IGF1: variants seen among roughly 807,000 people sequenced by gnomAD.
The protein encoded by IGF1 is insulin-like growth factor 1.
In IGF1, 4 loss-of-function variants were observed where a neutral mutation model predicts 13.8. The observed-to-expected ratio is 0.29, with a 90% CI of 0.14 to 0.66. IGF1 has a LOEUF of 0.66. Among genes scored for constraint, IGF1 ranks in the 30% least tolerant of loss-of-function variants. The pLI is 0.78. For synonymous variants in IGF1, 76 were observed against 72.6 expected (o/e 1.05, Z -0.23); for missense variants, 124 against 188.5 (o/e 0.66, Z 2.00).
chr12:102,476,772 C>G (rs1881077382), intron 1 of IGF1, among the ~76,000 whole-genome samples: 1 of 152,188 alleles, frequency 6.6e-6, no homozygotes, highest in African/African-American at 2.4e-5. Context: ...GTTGGCATGA[C>G]TTAGTCAATG....
intron 3 of IGF1, among the ~76,000 whole-genome samples, chr12:102,416,001 C>T (rs1024256267): frequency 5.3e-5 from 8 of 152,254 alleles, no homozygotes; most frequent in South Asian, 2.1e-4. Flanking sequence ...GCTTTCAGTT[C>T]GACCTTTTCC....
chr12:102,441,438 C>T (rs1449069317), intron 2 of IGF1, among the ~76,000 whole-genome samples: 1 of 152,200 alleles, frequency 6.6e-6, no homozygotes, highest in Non-Finnish European at 1.5e-5. Flanking sequence ...GACTCTCCTG[C>T]TTCCAGCGTT....
chr12:102,438,955 G>A (rs2137082761), intron 2 of IGF1, among the ~76,000 whole-genome samples: 1 of 152,226 alleles, frequency 6.6e-6, no homozygotes, highest in South Asian at 2.1e-4. Flanking sequence ...TTGTTTATTT[G>A]TTGCTTGACT....
intron 2 of IGF1, among the ~76,000 whole-genome samples, chr12:102,455,772 A>T (rs1879335164): frequency 6.6e-6 from 1 of 152,182 alleles, no homozygotes. Flanking sequence ...GGCACCCTGC[A>T]ATCTCTCCTC....
chr12:102,413,177 CT>C (rs762880286), intron 3 of IGF1, among the ~76,000 whole-genome samples: 15 of 152,212 alleles, frequency 9.9e-5, no homozygotes, highest in Non-Finnish European at 2.2e-4. Flanking sequence ...GATTTGGATT[CT>C]GCTTCATCTA....
intron 3 of IGF1, among the ~76,000 whole-genome samples, chr12:102,412,584 C>A (rs1244807368): frequency 6.6e-6 from 1 of 152,120 alleles, no homozygotes; most frequent in African/African-American, 2.4e-5. Context: ...AAGTTAGCTT[C>A]TTGACCAATG....
chr12:102,463,791 A>G (rs994960907), intron 2 of IGF1, among the ~76,000 whole-genome samples: 12 of 152,212 alleles, frequency 7.9e-5, no homozygotes, highest in African/African-American at 2.9e-4. Context: ...CCAGCTGTGC[A>G]AAGAGCTCTG....
At chr12:102,449,837 C>T (rs572440592) in intron 2 of IGF1, among the ~76,000 whole-genome samples, 25 of 152,100 alleles carry the variant, frequency 1.6e-4, no homozygotes, top group East Asian at 9.7e-4. Flanking sequence ...CCCTCTGGAT[C>T]ACCTGGGCTT....
intron 2 of IGF1, among the ~76,000 whole-genome samples, chr12:102,439,422 A>G (rs913207521): frequency 2.0e-5 from 3 of 152,234 alleles, no homozygotes; most frequent in Admixed American, 6.5e-5. Flanking sequence ...TTAACAATTT[A>G]GAAACGAGAA....
rs1400378746 is a variant in IGF1, at chr12:102,397,919, A to G, written c.*4588T>C. The G allele has an allele frequency of 6.6e-6, 1 of 152,290 alleles. No homozygotes were observed. 9.4% of individuals were successfully genotyped at this position (152,290 alleles called of 1,614,324 possible). A position where few individuals can be genotyped will look rare whatever the true frequency, so the allele number is the denominator to read the frequency against. Reference sequence around the variant, plus strand: ...AAGATTAAAAATAGCAAAACATTTTAAATAGTCTGATTATAGCTTCAACAA... The same window carrying G: ...AAGATTAAAAATAGCAAAACATTTTGAATAGTCTGATTATAGCTTCAACAA... On this transcript the variant is annotated 3_prime_UTR_variant, in exon 4 of 4. Transcript: ENST00000337514.
At chr12:102,454,764 C>T (rs1276268433) in intron 2 of IGF1, among the ~76,000 whole-genome samples, 2 of 152,168 alleles carry the variant, frequency 1.3e-5, no homozygotes, top group Non-Finnish European at 2.9e-5. Flanking sequence ...CAGATCCAGG[C>T]TGTTGGATAG....
At chr12:102,443,646 C>T (rs1011010975) in intron 2 of IGF1, among the ~76,000 whole-genome samples, 1 of 152,022 alleles carries the variant, frequency 6.6e-6, no homozygotes, top group Non-Finnish European at 1.5e-5. Context: ...AACAACAGAT[C>T]ACTGGCTGGC....
intron 2 of IGF1, among the ~76,000 whole-genome samples, chr12:102,453,648 C>G (rs1056016739): frequency 6.6e-6 from 1 of 152,134 alleles, no homozygotes; most frequent in African/African-American, 2.4e-5. Flanking sequence ...AGAGGCATTG[C>G]TAGGAAAGAG....
chr12:102,445,032 A>C (rs2137113515), intron 2 of IGF1, among the ~76,000 whole-genome samples: 1 of 152,132 alleles, frequency 6.6e-6, no homozygotes, highest in Middle Eastern at 3.4e-3. Context: ...GGTTTGTCAA[A>C]GTTCAGGTGG....
Position 102,401,406 on chromosome 12 carries a change from T to A in IGF1, c.*1101A>T, listed in dbSNP as rs1873669430. ...TCCTCTCTGGACTCGCCAGTCCAAT[T>A]TGCATCAGTGGACTTTTGTGTCTGA... On this transcript the variant is annotated 3_prime_UTR_variant, in exon 4 of 4. Coordinates refer to ENST00000337514, the MANE Select transcript of IGF1 (RefSeq NM_000618.5). 2 of 152,638 alleles carry A rather than the reference T, an allele frequency of 1.3e-5. No homozygotes were observed. Among genetic ancestry groups the A allele is most frequent in the African/African-American group, 4.8e-5 (2 of 41,448 alleles). 9.5% of individuals were successfully genotyped at this position (152,638 alleles called of 1,614,324 possible). A position where few individuals can be genotyped will look rare whatever the true frequency, so the allele number is the denominator to read the frequency against.
intron 2 of IGF1, among the ~76,000 whole-genome samples, chr12:102,422,612 A>G (rs1014577005): frequency 6.6e-6 from 1 of 152,238 alleles, no homozygotes; most frequent in Non-Finnish European, 1.5e-5. Context: ...ATTTGCTGCT[A>G]TGGTCTACAG....
At chr12:102,449,014 G>A (rs971054666) in intron 2 of IGF1, among the ~76,000 whole-genome samples, 4 of 152,176 alleles carry the variant, frequency 2.6e-5, no homozygotes, top group African/African-American at 7.2e-5. Context: ...TCTAGAACCA[G>A]AAATACCATT....
At chr12:102,439,837 A>G (rs1312391818) in intron 2 of IGF1, among the ~76,000 whole-genome samples, 1 of 152,204 alleles carries the variant, frequency 6.6e-6, no homozygotes, top group East Asian at 1.9e-4. Flanking sequence ...ATTATTACAC[A>G]GAAGATTATT....
At chr12:102,422,528 G>C (rs1302599079) in intron 2 of IGF1, among the ~76,000 whole-genome samples, 2 of 152,132 alleles carry the variant, frequency 1.3e-5, no homozygotes, top group Non-Finnish European at 2.9e-5. Context: ...AAAGATCACA[G>C]TTGAGGGTCA....
Sources: gnomAD v4.1 joint callset for allele counts (sites outside exome capture counted in the v4.1 genomes callset) on GRCh38, gnomAD v4.1.1 for gene constraint, MANE v1.5 for transcripts, NCBI Gene and HGNC (gene_info 2026-07-23, HGNC 2026-07-21) for gene names.